Variants in KCNU1 observed in about 807,000 individuals in gnomAD.
KCNU1 encodes the protein potassium channel subfamily U member 1.
Under a neutral mutation model 126.8 loss-of-function variants are expected in KCNU1, and 93 were observed. The observed-to-expected ratio is 0.73, with a 90% CI of 0.62 to 0.87. The LOEUF (loss-of-function observed/expected upper bound fraction) is 0.87. Among genes scored for constraint, KCNU1 ranks in the 40% least tolerant of loss-of-function variants. The probability of loss-of-function intolerance (pLI) is 0.00; values close to 1 mark genes in which losing one functional copy is unlikely to be tolerated. For synonymous variants in KCNU1, 523 were observed against 494.2 expected (o/e 1.06, Z -0.77); for missense variants, 1,330 against 1,367.1 (o/e 0.97, Z 0.43).
intron 10 of KCNU1, among the ~76,000 whole-genome samples, chr8:36,818,366 T>C (rs1234166054): frequency 6.7e-6 from 1 of 150,236 alleles, no homozygotes; most frequent in African/African-American, 2.5e-5. Context: ...TTTCTTTCTT[T>C]CTTTCATCCT....
At chr8:36,814,633 T>C (rs919447149) in intron 8 of KCNU1, among the ~76,000 whole-genome samples, 4 of 152,206 alleles carry the variant, frequency 2.6e-5, no homozygotes, top group Non-Finnish European at 5.9e-5. Flanking sequence ...AAGCTCTACA[T>C]TGATTTGAGA....
intron 18 of KCNU1, among the ~76,000 whole-genome samples, chr8:36,861,508 C>T (rs554280713): frequency 1.2e-4 from 18 of 152,256 alleles, no homozygotes; most frequent in South Asian, 8.3e-4. Context: ...AATAGATAGG[C>T]GACTGTTACC....
At chr8:36,888,189 T>C (rs1806793698) in intron 19 of KCNU1, among the ~76,000 whole-genome samples, 1 of 152,150 alleles carries the variant, frequency 6.6e-6, no homozygotes, top group Non-Finnish European at 1.5e-5. Context: ...ATGATTAATA[T>C]GTTAAAGACT....
intron 10 of KCNU1, among the ~76,000 whole-genome samples, chr8:36,823,962 C>T (rs1438193753): frequency 2.0e-5 from 3 of 151,740 alleles, no homozygotes; most frequent in Non-Finnish European, 1.5e-5. Context: ...CTCAGCCTCC[C>T]AAGTAGCTGG....
At chr8:36,917,072 G>T (rs957030022) in intron 22 of KCNU1, among the ~76,000 whole-genome samples, 1 of 152,030 alleles carries the variant, frequency 6.6e-6, no homozygotes, top group Admixed American at 6.6e-5. Flanking sequence ...TTTTCAGGGG[G>T]CCTTAGCACA....
intron 22 of KCNU1, 146 bp downstream of exon 22, chr8:36,911,265 A>G (rs1807864189): frequency 1.7e-6 from 1 of 578,590 alleles, no homozygotes; most frequent in East Asian, 2.9e-5. Context: ...AGAATCCCAT[A>G]GTAGAAATAG....
chr8:36,850,380 A>G (rs1388467460), intron 18 of KCNU1, among the ~76,000 whole-genome samples: 1 of 151,758 alleles, frequency 6.6e-6, no homozygotes, highest in African/African-American at 2.4e-5. Flanking sequence ...GGTTTTGATC[A>G]ATCTAAGGTC....
At chr8:36,934,745 A>G (rs900715423) in intron 26 of KCNU1, among the ~76,000 whole-genome samples, 3 of 152,246 alleles carry the variant, frequency 2.0e-5, no homozygotes, top group African/African-American at 7.2e-5. Flanking sequence ...TTGAGGCACT[A>G]GTGAGGCAAT....
chr8:36,851,569 G>A (rs1468294719), intron 18 of KCNU1, among the ~76,000 whole-genome samples: 1 of 152,064 alleles, frequency 6.6e-6, no homozygotes, highest in Non-Finnish European at 1.5e-5. Flanking sequence ...ATAGCAGTGT[G>A]AAAATTGATT....
At chr8:36,798,960 G>A (rs958584247) in intron 2 of KCNU1, among the ~76,000 whole-genome samples, 4 of 151,998 alleles carry the variant, frequency 2.6e-5, no homozygotes, top group Admixed American at 6.6e-5. Flanking sequence ...GACTCTTATC[G>A]TCGACAGTCT....
chr8:36,840,684 G>C, intron 15 of KCNU1, 109 bp downstream of exon 15: 4 of 746,526 alleles, frequency 5.4e-6, no homozygotes, highest in Admixed American at 2.3e-5. Flanking sequence ...GAAGATCTAA[G>C]AAGGGACAGC....
intron 2 of KCNU1, among the ~76,000 whole-genome samples, chr8:36,791,024 AAG>A: frequency 6.6e-6 from 1 of 152,054 alleles, no homozygotes. Context: ...AAAAAGGAGA[AAG>A]AGGAAAAGAG....
intron 10 of KCNU1, among the ~76,000 whole-genome samples, chr8:36,819,263 C>T (rs779724990): frequency 1.3e-5 from 2 of 152,012 alleles, no homozygotes; most frequent in African/African-American, 4.8e-5. Flanking sequence ...TATGAAGGCC[C>T]CTCAAGCTCA....
chr8:36,901,625 T>TTATCCAGCAGCTTCCAAAGCTGAAA, intron 19 of KCNU1, among the ~76,000 whole-genome samples: 1 of 152,292 alleles, frequency 6.6e-6, no homozygotes, highest in African/African-American at 2.4e-5. Flanking sequence ...AAAACTGTTC[T>TTATCCAGCAGCTTCCAAAGCTGAAA]TATCCAGCAG....
chr8:36,813,145 A>C lies in KCNU1; in HGVS notation c.733-1062A>C, dbSNP rs183625701. Among the ~76,000 whole-genome samples the C allele has an allele frequency of 2.6e-5, 4 of 152,316 alleles. No individual in the cohort carries two copies. The East Asian group carries it at 7.7e-4, about 29-fold the overall frequency. ...GTATCCGCTATCAGCCATAAGACTT[A>C]AGAACAGACATATAATCCCATTCTT... On this transcript the variant is annotated intron_variant, in intron 7 of 26. Transcript: ENST00000399881.
intron 2 of KCNU1, among the ~76,000 whole-genome samples, chr8:36,791,719 G>T (rs1802909235): frequency 6.6e-6 from 1 of 151,918 alleles, no homozygotes; most frequent in Non-Finnish European, 1.5e-5. Flanking sequence ...TTATTTTGCT[G>T]TTTTTTGCTC....
At chr8:36,814,067 C>T in intron 7 of KCNU1, 140 bp from the exon 8 acceptor site, 2 of 640,506 alleles carry the variant, frequency 3.1e-6, no homozygotes, top group Middle Eastern at 4.3e-4. Flanking sequence ...TTTATGTAAA[C>T]TCTTCATAGC....
chr8:36,799,151 T>C (rs1357988877), intron 2 of KCNU1, among the ~76,000 whole-genome samples: 1 of 152,186 alleles, frequency 6.6e-6, no homozygotes, highest in Non-Finnish European at 1.5e-5. Context: ...TCAATTCTCT[T>C]AAAATGACTG....
chr8:36,897,670 C>T (rs1807251365), intron 19 of KCNU1, among the ~76,000 whole-genome samples: 1 of 152,034 alleles, frequency 6.6e-6, no homozygotes, highest in Non-Finnish European at 1.5e-5. Context: ...AGTGCCCCTG[C>T]CTTATGGAGG....
Sources: allele counts gnomAD v4.1 joint callset (sites outside exome capture counted in the v4.1 genomes callset), GRCh38; gene constraint gnomAD v4.1.1; transcripts MANE v1.5; gene names NCBI Gene and HGNC (gene_info 2026-07-23, HGNC 2026-07-21).